HNRNPLL: variants seen among roughly 807,000 people sequenced by gnomAD.
The protein encoded by HNRNPLL is heterogeneous nuclear ribonucleoprotein L-like.
Under a neutral mutation model 67.1 loss-of-function variants are expected in HNRNPLL, and 25 were observed. The ratio of observed to expected loss-of-function variants is 0.37; its 90% CI spans 0.27 to 0.52. The LOEUF (loss-of-function observed/expected upper bound fraction) is 0.52, where lower values mean the gene tolerates loss of function less well. HNRNPLL is among the 20% of genes least tolerant of loss of function. The pLI, the probability that HNRNPLL is intolerant of heterozygous loss-of-function variation, is 0.90. For missense variants in HNRNPLL, 542 were observed against 673.9 expected, an observed-to-expected ratio of 0.80 and a Z score of 2.17; for synonymous variants, 267 against 241.7, an observed-to-expected ratio of 1.10 and a Z score of -0.97.
In HNRNPLL at chr2:38,592,909, C is replaced by CT. The variant is rs567809077; in HGVS notation, c.190-1262dup. ...CAATTGTTTTAAGAAAATTAAATTT[C>CT]TTTAAGGCTATTTTAAATGACTCAC... is the stretch of plus-strand genomic sequence containing the variant. On this transcript the variant is annotated intron_variant, in intron 1 of 12. Transcript: ENST00000449105. Among the ~76,000 whole-genome samples, 302 of 152,222 alleles carry CT rather than the reference C, an allele frequency of 2.0e-3. 1 individual carries two copies. The highest frequency in any genetic ancestry group is 7.0e-3 in the African/African-American group (290 of 41,544).
chr2:38,569,008 A>G, intron 10 of HNRNPLL, 125 bp downstream of exon 10: 1 of 707,312 alleles, frequency 1.4e-6, no homozygotes, highest in Non-Finnish European at 2.5e-6. Flanking sequence ...TCCAGTACCA[A>G]GTAAATAAAA....
In HNRNPLL at chr2:38,563,428, T is replaced by C. The variant is rs561095715; in HGVS notation, c.*754A>G. ...ATTATCTATAAGAGGAACTGTTAAT[T>C]ATAACCTCTATTAAAATCTCAATGC... On this transcript the variant is annotated 3_prime_UTR_variant, in exon 13 of 13. Transcript: ENST00000449105. The C allele has an allele frequency of 6.6e-6, 1 of 152,230 alleles. No individual in the cohort carries two copies. The highest frequency in any genetic ancestry group is 2.4e-5 in the African/African-American group (1 of 41,574). The allele number at this position is 152,230 out of a possible 1,614,324, so 9.4% of individuals were successfully genotyped here.
chr2:38,567,152 G>A (rs1665893917), intron 12 of HNRNPLL, among the ~76,000 whole-genome samples: 1 of 152,138 alleles, frequency 6.6e-6, no homozygotes, highest in South Asian at 2.1e-4. Context: ...TGCCCAGGCT[G>A]GAGGGCAATG....
chr2:38,573,493 G>T, intron 7 of HNRNPLL, 66 bp from the exon 8 acceptor site: 2 of 1,024,110 alleles, frequency 2.0e-6, no homozygotes, highest in South Asian at 1.4e-5. Context: ...AAATACTTTA[G>T]TAGATATACT....
At chr2:38,588,546 C>CAAAAAAAAAAAAAAAAA (rs70954733) in intron 2 of HNRNPLL, among the ~76,000 whole-genome samples, 11 of 51,002 alleles carry the variant, frequency 2.2e-4, no homozygotes, top group African/African-American at 6.0e-4. Context: ...AACTCCATCT[C>CAAAAAAAAAAAAAAAAA]AAAAAAAAAA....
chr2:38,582,314 T>C, intron 4 of HNRNPLL, 146 bp from the exon 5 acceptor site: 1 of 670,022 alleles, frequency 1.5e-6, no homozygotes, highest in Non-Finnish European at 2.6e-6. Context: ...TAAGAGAATT[T>C]TTTGTTTTGT....
intron 7 of HNRNPLL, among the ~76,000 whole-genome samples, chr2:38,576,171 C>T (rs981213678): frequency 6.6e-6 from 1 of 151,782 alleles, no homozygotes; most frequent in African/African-American, 2.4e-5. Flanking sequence ...CAGCAGAGTT[C>T]CTTGTCCTTC....
intron 6 of HNRNPLL, among the ~76,000 whole-genome samples, chr2:38,580,057 C>A (rs1204480679): frequency 6.6e-6 from 1 of 152,114 alleles, no homozygotes; most frequent in East Asian, 1.9e-4. Context: ...AAACATCAGA[C>A]CCTTTAAAAG....
intron 10 of HNRNPLL, among the ~76,000 whole-genome samples, chr2:38,568,656 A>G (rs1665960885): frequency 6.6e-6 from 1 of 152,238 alleles, no homozygotes; most frequent in African/African-American, 2.4e-5. Context: ...AGTGCTGTAC[A>G]ATAAAACCAC....
In HNRNPLL at chr2:38,573,416, G is replaced by T; in HGVS notation, c.886C>A (p.Pro296Thr). 2 of 1,603,952 alleles carry T rather than the reference G, an allele frequency of 1.2e-6. No individual in the cohort carries two copies. The highest frequency in any genetic ancestry group is 2.2e-5 in the South Asian group (2 of 90,154). The change falls in exon 8 of 13, where the codon CCA becomes ACA. Residue 296 changes from proline to threonine, a missense_variant. This residue lies in a region of HNRNPLL where 415 missense variants were observed against 575.2 expected (regional missense o/e 0.72). Transcript: ENST00000449105. The stretch of plus-strand genomic sequence containing the variant: ...TAACGACTTGGTAAAGGCAATAATG[G>T]ACCATGGGATCCTATAAAAATGATC... ...FRHDGYGSHGPLLPLPSRYRM... is the reference protein window; with the variant it reads ...FRHDGYGSHGTLLPLPSRYRM...
chr2:38,588,546 C>CAAAAAAAAAAAAAAAAAAAAAAAAA (rs70954733), intron 2 of HNRNPLL, among the ~76,000 whole-genome samples: 1 of 51,018 alleles, frequency 2.0e-5, no homozygotes, highest in African/African-American at 5.5e-5. Context: ...AACTCCATCT[C>CAAAAAAAAAAAAAAAAAAAAAAAAA]AAAAAAAAAA....
Position 38,591,739 on chromosome 2 carries a change from G to C in HNRNPLL, c.190-91C>G, listed in dbSNP as rs1441706025. 7.0e-6 allele frequency: 5 copies of C among 711,038 alleles called. No individual in the cohort carries two copies. The Admixed American group carries it at 1.2e-4, about 17-fold the overall frequency. 44.0% of individuals were successfully genotyped at this position (711,038 alleles called of 1,614,324 possible). A position where few individuals can be genotyped will look rare whatever the true frequency, so the allele number is the denominator to read the frequency against. On this transcript the variant is annotated intron_variant, in intron 1 of 12. Transcript: ENST00000449105. ...GCCTGTAATCCCTGCACTTTGGGAG[G>C]TCAAAGTGGGAGGGTCATTTGAGGT...
At chr2:38,580,779 A>G (rs1666496335) in intron 6 of HNRNPLL, among the ~76,000 whole-genome samples, 3 of 152,200 alleles carry the variant, frequency 2.0e-5, no homozygotes, top group Admixed American at 2.0e-4. Context: ...TGCATCCCAA[A>G]TGAAATGCTC....
chr2:38,577,512 T>C lies in HNRNPLL; in HGVS notation c.823A>G (p.Arg275Gly), dbSNP rs754847535. The C allele has an allele frequency of 1.9e-6, 3 of 1,609,666 alleles. No homozygotes were observed. The change falls in exon 7 of 13, where the codon AGA becomes GGA. Residue 275 changes from arginine to glycine, a missense_variant. This residue lies in a region of HNRNPLL where 415 missense variants were observed against 575.2 expected (regional missense o/e 0.72). Transcript: ENST00000449105. ...GRRDRGKGRQ[R>G]QAILGEHPSS... The stretch of plus-strand genomic sequence containing the variant: ...GGGTGTTCTCCCAAAATGGCTTGTC[T>C]CTGGCGACCCTTTCCTCTATCTGAC...
In HNRNPLL at chr2:38,582,971, G is replaced by A. The variant is rs113847236; in HGVS notation, c.633-803C>T. On this transcript the variant is annotated intron_variant, in intron 4 of 12. Coordinates refer to ENST00000449105, the MANE Select transcript of HNRNPLL (RefSeq NM_138394.4). Reference sequence around the variant, plus strand: ...GGTCATCATTAGTACTTTATAAATCGGAAAGCAGAGGAGATAATGGAGCAT... The same window carrying A: ...GGTCATCATTAGTACTTTATAAATCAGAAAGCAGAGGAGATAATGGAGCAT... 1.5e-3 allele frequency among the ~76,000 whole-genome samples: 228 copies of A among 151,948 alleles called. 1 individual carries two copies. Among genetic ancestry groups the A allele is most frequent in the African/African-American group, 5.1e-3 (211 of 41,466 alleles).
In HNRNPLL at chr2:38,585,663, G is replaced by A. The variant is rs779130914; in HGVS notation, c.527C>T (p.Pro176Leu). The A allele has an allele frequency of 5.6e-6, 9 of 1,598,854 alleles. No individual in the cohort carries two copies. Among genetic ancestry groups the A allele is most frequent in the East Asian group, 4.5e-5 (2 of 44,804 alleles). Residue 176 changes from proline (P) to leucine (L), a missense_variant, in exon 3 of 13, where the codon CCG (proline) becomes CTG (leucine). Physicochemically the swap from Pro to Leu is moderately conservative, Grantham distance 98. Around this residue, in one of 2 missense-constraint regions of HNRNPLL, gnomAD observed 415 missense variants for 575.2 expected, o/e 0.72. Coordinates refer to ENST00000449105, the MANE Select transcript of HNRNPLL (RefSeq NM_138394.4). ...ACATACCACTGTAATTGGATAAAGC[G>A]GATTCTGAATTGAGAGCAGAAGAAC... is the stretch of plus-strand genomic sequence containing the variant. ...NKVLLLSIQN[P>L]LYPITVDVLY...
chr2:38,598,691 A>G (rs1242721729), intron 1 of HNRNPLL, among the ~76,000 whole-genome samples: 12 of 152,236 alleles, frequency 7.9e-5, no homozygotes, highest in Admixed American at 7.8e-4. Flanking sequence ...GTTAAGTGAA[A>G]AAGTTTGTAA....
Position 38,573,437 on chromosome 2 carries a change from T to C in HNRNPLL, c.875-10A>G, listed in dbSNP as rs991304647. 1.3e-6 allele frequency: 2 copies of C among 1,563,762 alleles called. No homozygotes were observed. Among genetic ancestry groups the C allele is most frequent in the Middle Eastern group, 1.7e-4 (1 of 5,966 alleles). ...AATGGACCATGGGATCCTATAAAAA[T>C]GATCAAAATAAATAAATTAGTTAAC... On this transcript the variant is annotated splice_polypyrimidine_tract_variant and intron_variant, in intron 7 of 12. Transcript: ENST00000449105.
chr2:38,564,794 A>C (rs1665793533), intron 12 of HNRNPLL, among the ~76,000 whole-genome samples: 1 of 151,990 alleles, frequency 6.6e-6, no homozygotes, highest in Admixed American at 6.6e-5. Context: ...TAAAGAATAA[A>C]TAGTATCAGG....
Sources: gnomAD v4.1 joint callset for allele counts (sites outside exome capture counted in the v4.1 genomes callset) on GRCh38, gnomAD v4.1.1 for gene constraint, gnomAD v4.1.1 regional missense constraint, MANE v1.5 for transcripts, NCBI Gene and HGNC (gene_info 2026-07-23, HGNC 2026-07-21) for gene names.